Variants in STOX1 observed in about 807,000 individuals in gnomAD.
STOX1 encodes storkhead-box protein 1.
In STOX1, 57 loss-of-function variants were observed where a neutral mutation model predicts 74.8. That is an observed-to-expected ratio of 0.76 (90% confidence interval 0.62 to 0.95). The LOEUF (loss-of-function observed/expected upper bound fraction) is 0.95, where lower values mean the gene tolerates loss of function less well. STOX1 is among the 40% of genes least tolerant of loss of function. The probability of loss-of-function intolerance (pLI) is 0.00; values close to 1 mark genes in which losing one functional copy is unlikely to be tolerated. For missense variants in STOX1, 1,010 were observed against 1,117.0 expected (o/e 0.90, Z 1.37); for synonymous variants, 375 against 401.3 (o/e 0.93, Z 0.78).
chr10:68,853,144 C>G (rs1040098181), intron 1 of STOX1, among the ~76,000 whole-genome samples: 4 of 152,098 alleles, frequency 2.6e-5, no homozygotes, highest in Non-Finnish European at 2.9e-5. Context: ...AGGCTGGTCT[C>G]AAACTCCTGA....
chr10:68,846,856 T>G (rs896762255), intron 1 of STOX1: 1 of 152,186 alleles, frequency 6.6e-6, no homozygotes, highest in African/African-American at 2.4e-5. Context: ...TAGAGAAGAT[T>G]AGCATGGCCC....
At chr10:68,882,157 G>A in intron 2 of STOX1, 47 bp downstream of exon 2, 3 of 1,573,574 alleles carry the variant, frequency 1.9e-6, no homozygotes, top group Non-Finnish European at 2.6e-6. Context: ...GTATGTGTTT[G>A]GTTTCTATTT....
At chr10:68,841,180 C>G (rs998071032) in intron 1 of STOX1, among the ~76,000 whole-genome samples, 2 of 149,562 alleles carry the variant, frequency 1.3e-5, no homozygotes, top group African/African-American at 4.9e-5. Context: ...CTCTTGACCT[C>G]GTGATCTGCC....
At chr10:68,852,269 T>TTTTTTAG (rs1442420660) in intron 1 of STOX1, among the ~76,000 whole-genome samples, 1 of 144,732 alleles carries the variant, frequency 6.9e-6, no homozygotes, top group Non-Finnish European at 1.5e-5. Flanking sequence ...TTTTTTTTTT[T>TTTTTTAG]GAGACGGAGT....
chr10:68,834,184 C>T (rs1268215687), intron 1 of STOX1, among the ~76,000 whole-genome samples: 1 of 152,206 alleles, frequency 6.6e-6, no homozygotes, highest in African/African-American at 2.4e-5. Context: ...CTGAGCATGG[C>T]CTTCCAATCA....
chr10:68,859,758 A>G (rs1416522469), intron 1 of STOX1, among the ~76,000 whole-genome samples: 1 of 151,952 alleles, frequency 6.6e-6, no homozygotes, highest in Non-Finnish European at 1.5e-5. Context: ...TTCCAACAAG[A>G]AGCTTGGAAG....
chr10:68,834,637 A>G (rs1024003785), intron 1 of STOX1, among the ~76,000 whole-genome samples: 4 of 152,226 alleles, frequency 2.6e-5, no homozygotes, highest in African/African-American at 2.4e-5. Flanking sequence ...GGATTAGAAC[A>G]TTACCATTAC....
chr10:68,857,457 G>A (rs932605894), intron 1 of STOX1, among the ~76,000 whole-genome samples: 8 of 152,046 alleles, frequency 5.3e-5, no homozygotes, highest in Admixed American at 1.3e-4. Flanking sequence ...GGTGGCTCCA[G>A]TTTTTATGTC....
chr10:68,842,572 GCT>G (rs1372523772), intron 1 of STOX1, among the ~76,000 whole-genome samples: 132 of 107,084 alleles, frequency 1.2e-3, no homozygotes, highest in Non-Finnish European at 1.9e-3. Context: ...ATGGAGTCTT[GCT>G]CTGTCACCCA....
rs748648893 is a variant in STOX1 at position 68,882,069 on chromosome 10, C to T, written c.422C>T (p.Thr141Met). Residue 141 changes from threonine to methionine, a missense_variant, in exon 2 of 4, where the codon ACG (threonine) becomes ATG (methionine). Coordinates refer to ENST00000298596, the MANE Select transcript of STOX1 (RefSeq NM_152709.5). ...SDMNTAQIVV[T>M]QESLLERLMK... is the part of the protein sequence containing the mutation. Reference sequence around the variant, plus strand: ...ATGAATACAGCTCAGATTGTAGTAACGCAGGAATCACTTTTGGAGCGTTTG... The same window carrying T: ...ATGAATACAGCTCAGATTGTAGTAATGCAGGAATCACTTTTGGAGCGTTTG... 18 of 1,613,604 alleles carry T rather than the reference C, an allele frequency of 1.1e-5. No homozygotes were observed. The highest frequency in any genetic ancestry group is 6.7e-5 in the East Asian group (3 of 44,808).
rs1277233899 is a variant in STOX1 at position 68,884,867 on chromosome 10, T to G, written c.1071T>G (p.Val357=). ...EDDLDNIPRD[V]EHEIIKRINP... is the part of the protein sequence containing the mutation. ...ACTTGGACAATATCCCTCGAGATGT[T>G]GAACATGAGATAATCAAACGAATTA... Residue 357 remains valine (V), a synonymous_variant, in exon 3 of 4, where the codon GTT becomes GTG. Transcript: ENST00000298596. The G allele has an allele frequency of 6.2e-7, 1 of 1,613,902 alleles. No homozygotes were observed. Among genetic ancestry groups the G allele is most frequent in the Non-Finnish European group, 8.5e-7 (1 of 1,179,932 alleles).
chr10:68,863,938 T>C (rs1057362411), intron 1 of STOX1, among the ~76,000 whole-genome samples: 4 of 150,908 alleles, frequency 2.7e-5, no homozygotes, highest in East Asian at 1.9e-4. Context: ...TTTTTTTTTT[T>C]CTCTGAGACA....
intron 1 of STOX1, among the ~76,000 whole-genome samples, chr10:68,835,468 A>C (rs1284330507): frequency 6.6e-6 from 1 of 152,132 alleles, no homozygotes; most frequent in Non-Finnish European, 1.5e-5. Context: ...GACTACAGGC[A>C]CCCATCACCA....
chr10:68,840,270 A>G (rs1839660524), intron 1 of STOX1, among the ~76,000 whole-genome samples: 1 of 152,222 alleles, frequency 6.6e-6, no homozygotes, highest in African/African-American at 2.4e-5. Context: ...TTTGACAATG[A>G]TTTTTTGGAT....
At chr10:68,887,600 T>C (rs917710446) in intron 3 of STOX1, among the ~76,000 whole-genome samples, 19 of 148,074 alleles carry the variant, frequency 1.3e-4, no homozygotes, top group Admixed American at 5.4e-4. Flanking sequence ...TCTTTCTTTT[T>C]TTTTTTTTTT....
intron 1 of STOX1, among the ~76,000 whole-genome samples, chr10:68,854,644 C>T (rs1840076915): frequency 6.6e-6 from 1 of 152,094 alleles, no homozygotes; most frequent in Admixed American, 6.5e-5. Flanking sequence ...ATGCTGCCCA[C>T]AGAGTGCATG....
At chr10:68,856,000 C>CT (rs1409890155) in intron 1 of STOX1, among the ~76,000 whole-genome samples, 1 of 152,038 alleles carries the variant, frequency 6.6e-6, no homozygotes, top group Admixed American at 6.6e-5. Flanking sequence ...TGTCTGTGAC[C>CT]AGAGCTGTCA....
chr10:68,879,816 G>A (rs1056570174), intron 1 of STOX1, among the ~76,000 whole-genome samples: 2 of 152,074 alleles, frequency 1.3e-5, no homozygotes, highest in Admixed American at 6.6e-5. Flanking sequence ...GCATCTAGTG[G>A]GTAGAGGCCA....
intron 1 of STOX1, among the ~76,000 whole-genome samples, chr10:68,836,553 A>G (rs911042224): frequency 6.6e-6 from 1 of 152,080 alleles, no homozygotes; most frequent in African/African-American, 2.4e-5. Flanking sequence ...GGTCACGTCC[A>G]CAGCCGTGTG....
Sources: gnomAD v4.1 joint callset for allele counts (sites outside exome capture counted in the v4.1 genomes callset) on GRCh38, gnomAD v4.1.1 for gene constraint, MANE v1.5 for transcripts, NCBI Gene and HGNC (gene_info 2026-07-23, HGNC 2026-07-21) for gene names.